The following STAT5B variants were observed in gnomAD, a reference collection of about 807,000 sequenced individuals.
STAT5B encodes transcription factor STAT5B.
Under a neutral mutation model 107.8 loss-of-function variants are expected in STAT5B, and 21 were observed. That is an observed-to-expected ratio of 0.19 (90% CI 0.14 to 0.28). The LOEUF (loss-of-function observed/expected upper bound fraction) is 0.28. Ranked by LOEUF, STAT5B falls within the 10% of genes least tolerant of loss-of-function variation. STAT5B has a pLI of 1.00. For missense variants in STAT5B, 565 were observed against 1,008.2 expected (o/e 0.56, Z 5.95); for synonymous variants, 325 against 401.7 (o/e 0.81, Z 2.28).
chr17:42,245,713 G>A (rs540327253), intron 1 of STAT5B, among the ~76,000 whole-genome samples: 7 of 151,604 alleles, frequency 4.6e-5, no homozygotes, highest in African/African-American at 1.7e-4. Flanking sequence ...TAATAGAGAC[G>A]GGTTTTCACC....
At position 42,206,386 on chromosome 17, in the gene STAT5B, G is replaced by C. The variant is rs565337314; in HGVS notation, c.2077+1172C>G. Among the ~76,000 whole-genome samples, 13 of 151,984 alleles carry C rather than the reference G, an allele frequency of 8.6e-5. No homozygotes were observed. In the South Asian group the frequency reaches 2.5e-3, roughly 29 times the overall value. ...ATTACAGGCATGAGCCACCGCGCCC[G>C]GCCTGAATATGTTTCCTTGTTTATG... On this transcript the variant is annotated intron_variant, in intron 16 of 18. Transcript: ENST00000293328.
intron 1 of STAT5B, among the ~76,000 whole-genome samples, chr17:42,237,184 A>AT (rs1253015932): frequency 1.3e-5 from 2 of 152,158 alleles, no homozygotes; most frequent in Non-Finnish European, 2.9e-5. Flanking sequence ...TCAACCTTAT[A>AT]TATCTGGATA....
chr17:42,255,801 G>T (rs756461420), intron 1 of STAT5B, among the ~76,000 whole-genome samples: 7 of 152,204 alleles, frequency 4.6e-5, no homozygotes, highest in Non-Finnish European at 8.8e-5. Flanking sequence ...CTTTAAAACA[G>T]TGAAAATGGC....
intron 2 of STAT5B, among the ~76,000 whole-genome samples, chr17:42,228,864 G>A (rs1351599442): frequency 6.6e-6 from 1 of 152,170 alleles, no homozygotes; most frequent in African/African-American, 2.4e-5. Flanking sequence ...AACCCAGGAG[G>A]TGGAGGTTGC....
intron 1 of STAT5B, among the ~76,000 whole-genome samples, chr17:42,260,269 T>G (rs1176067184): frequency 2.6e-5 from 4 of 152,342 alleles, no homozygotes; most frequent in Non-Finnish European, 5.9e-5. Flanking sequence ...TTATGAAATC[T>G]GAACACAGTT....
intron 1 of STAT5B, among the ~76,000 whole-genome samples, chr17:42,241,999 C>T (rs2080407638): frequency 6.6e-6 from 1 of 151,920 alleles, no homozygotes; most frequent in Non-Finnish European, 1.5e-5. Context: ...AAGCATTTGG[C>T]TCACAAAGAA....
chr17:42,261,487 A>G (rs540205718), intron 1 of STAT5B, among the ~76,000 whole-genome samples: 3 of 152,228 alleles, frequency 2.0e-5, no homozygotes, highest in Non-Finnish European at 4.4e-5. Flanking sequence ...TTAAAATAAA[A>G]TTCTGTTATA....
At chr17:42,256,952 A>C (rs972076737) in intron 1 of STAT5B, among the ~76,000 whole-genome samples, 6 of 151,470 alleles carry the variant, frequency 4.0e-5, no homozygotes, top group African/African-American at 1.5e-4. Flanking sequence ...TAATTTATAA[A>C]TTGAACTTTA....
At chr17:42,224,967 C>T (rs1056638787) in intron 3 of STAT5B, 99 bp from the exon 4 acceptor site, 47 of 1,122,312 alleles carry the variant, frequency 4.2e-5, no homozygotes, top group Non-Finnish European at 6.0e-5. Context: ...CCTCCTGAAT[C>T]ACAGGAGGCA....
intron 1 of STAT5B, among the ~76,000 whole-genome samples, chr17:42,274,615 C>G (rs921266628): frequency 6.6e-6 from 1 of 152,120 alleles, no homozygotes; most frequent in Non-Finnish European, 1.5e-5. Context: ...TAAGATTCTC[C>G]CCATTTGAAG....
At chr17:42,286,092 G>C in the STAT5B span, among the ~76,000 whole-genome samples, 2 of 152,088 alleles carry the variant, frequency 1.3e-5, no homozygotes, top group African/African-American at 4.8e-5. Context: ...AATTAGCCAG[G>C]AGTGGTGGCA....
intron 5 of STAT5B, among the ~76,000 whole-genome samples, chr17:42,220,475 A>AC (rs1439862943): frequency 6.6e-6 from 1 of 151,220 alleles, no homozygotes; most frequent in Non-Finnish European, 1.5e-5. Flanking sequence ...CTTCAGGGAA[A>AC]CCCAGCCCCG....
At chr17:42,257,267 T>C (rs1253673272) in intron 1 of STAT5B, among the ~76,000 whole-genome samples, 1 of 152,220 alleles carries the variant, frequency 6.6e-6, no homozygotes, top group Non-Finnish European at 1.5e-5. Context: ...TTATTTCTGT[T>C]GGGAGAAAAC....
chr17:42,282,920 G>C, the STAT5B span, among the ~76,000 whole-genome samples: 7 of 152,314 alleles, frequency 4.6e-5, no homozygotes, highest in African/African-American at 1.7e-4. Flanking sequence ...CCAGCGTAAG[G>C]GGAAAAGCCT....
intron 16 of STAT5B, 84 bp from the exon 17 acceptor site, chr17:42,202,892 G>T: frequency 6.4e-7 from 1 of 1,552,110 alleles, no homozygotes; most frequent in South Asian, 1.1e-5. Flanking sequence ...CTTTTCTTAG[G>T]ACAGAACACA....
chr17:42,241,552 C>T lies in STAT5B; in HGVS notation c.-10-9415G>A, dbSNP rs540747093. ...CTGCCTCCCGGGTTCAAGAGATTCT[C>T]CTGCCTTAGCCTCCTGAGTAGCTGG... On this transcript the variant is annotated intron_variant, in intron 1 of 18. Coordinates refer to ENST00000293328, the MANE Select transcript of STAT5B (RefSeq NM_012448.4). Among the ~76,000 whole-genome samples the T allele has an allele frequency of 3.3e-3, 505 of 151,528 alleles. 3 individuals carry two copies. Among genetic ancestry groups the T allele is most frequent in the Non-Finnish European group, 6.0e-3 (407 of 67,936 alleles).
chr17:42,260,123 T>C (rs941799999), intron 1 of STAT5B, among the ~76,000 whole-genome samples: 12 of 152,230 alleles, frequency 7.9e-5, no homozygotes, highest in Admixed American at 1.3e-4. Flanking sequence ...ACTGGGGAAC[T>C]GAATTGCAAA....
Position 42,227,627 on chromosome 17 carries a change from C to T in STAT5B, c.187G>A (p.Gly63Ser), listed in dbSNP as rs759481948. 6.2e-7 allele frequency: 1 copy of T among 1,614,044 alleles called. No individual in the cohort carries two copies. Among genetic ancestry groups the T allele is most frequent in the Non-Finnish European group, 8.5e-7 (1 of 1,179,984 alleles). The change falls in exon 3 of 19, where the codon GGC (glycine) becomes AGC (serine). Residue 63 changes from glycine (G) to serine (S), a missense_variant. Gly to Ser is a moderately conservative substitution (Grantham distance 56). Transcript: ENST00000293328. ...ENIKATQLLEGLVQELQKKAE... is the reference protein window; with the variant it reads ...ENIKATQLLESLVQELQKKAE... ...TTCTTCTGCAGCTCCTGCACCAGGC[C>T]CTCCAGGAGCTGGGTGGCCTTAATG...
intron 1 of STAT5B, among the ~76,000 whole-genome samples, chr17:42,246,227 C>T (rs1194874361): frequency 2.6e-5 from 4 of 152,102 alleles, no homozygotes; most frequent in African/African-American, 7.2e-5. Context: ...ACATAAAACA[C>T]AGGAAGAAAT....
Sources: allele counts gnomAD v4.1 joint callset (sites outside exome capture counted in the v4.1 genomes callset), GRCh38; gene constraint gnomAD v4.1.1; transcripts MANE v1.5; gene names NCBI Gene and HGNC (gene_info 2026-07-23, HGNC 2026-07-21).